Variants in TBC1D2 observed in about 807,000 individuals in gnomAD.
TBC1D2 encodes the protein TBC1 domain family member 2.
A neutral mutation model predicts 91.1 loss-of-function variants in TBC1D2; 58 were observed. That is an observed-to-expected ratio of 0.64 (90% CI 0.52 to 0.79). The LOEUF is 0.79. TBC1D2 is among the 30% of genes least tolerant of loss of function. The probability of loss-of-function intolerance (pLI) is 0.00; values close to 1 mark genes in which losing one functional copy is unlikely to be tolerated. For missense variants in TBC1D2, 1,080 were observed against 1,208.3 expected, an observed-to-expected ratio of 0.89 and a Z score of 1.57; for synonymous variants, 482 against 511.5, an observed-to-expected ratio of 0.94 and a Z score of 0.78.
intron 5 of TBC1D2, among the ~76,000 whole-genome samples, chr9:98,227,138 G>A (rs1191221684): frequency 6.6e-5 from 10 of 152,298 alleles, no homozygotes; most frequent in African/African-American, 1.7e-4. Context: ...TCTCAGGAGC[G>A]TCCAGCAGCC....
chr9:98,225,634 A>G (rs1829214613), intron 5 of TBC1D2, among the ~76,000 whole-genome samples: 1 of 152,230 alleles, frequency 6.6e-6, no homozygotes, highest in African/African-American at 2.4e-5. Flanking sequence ...CTGAGCATGC[A>G]GACACTCTGA....
At position 98,239,449 on chromosome 9, in the gene TBC1D2, CT is replaced by C. The variant is rs567873660; in HGVS notation, c.647+4544del. Among the ~76,000 whole-genome samples, 19 of 152,298 alleles carry C rather than the reference CT, an allele frequency of 1.2e-4. No homozygotes were observed. In the South Asian group the frequency reaches 3.7e-3, roughly 30 times the overall value. ...CTGAAATGATGTGGTTTTTCACCTTCTTCTTATTAATGTAGTGTATTACATA... is the reference window on the plus strand; with the variant it reads ...CTGAAATGATGTGGTTTTTCACCTTCTCTTATTAATGTAGTGTATTACATA... On this transcript the variant is annotated intron_variant, in intron 3 of 12. Transcript: ENST00000465784.
chr9:98,237,438 G>A (rs1829533132), intron 3 of TBC1D2, among the ~76,000 whole-genome samples: 2 of 151,550 alleles, frequency 1.3e-5, no homozygotes, highest in South Asian at 4.1e-4. Context: ...CCTTGCAACA[G>A]CACCACTGTC....
chr9:98,203,870 C>A (rs1023639006), intron 9 of TBC1D2, among the ~76,000 whole-genome samples: 1 of 152,172 alleles, frequency 6.6e-6, no homozygotes, highest in Non-Finnish European at 1.5e-5. Flanking sequence ...GGCAAGTACA[C>A]TAACCTCTCT....
At chr9:98,235,385 C>A in intron 3 of TBC1D2, 1 of 467,732 alleles carries the variant, frequency 2.1e-6, no homozygotes. Flanking sequence ...AATTCCAGTG[C>A]TAGTACTTGG....
intron 8 of TBC1D2, 135 bp from the exon 9 acceptor site, chr9:98,209,279 T>C (rs1442336538): frequency 7.6e-6 from 6 of 786,220 alleles, no homozygotes; most frequent in Non-Finnish European, 1.3e-5. Flanking sequence ...TCTGGGCAGG[T>C]CACTTCAGTT....
rs953098200 is a variant in TBC1D2, at chr9:98,225,227, C to T, written c.978+3725G>A. On this transcript the variant is annotated intron_variant, in intron 5 of 12. Transcript: ENST00000465784. ...ACAGCCTTCCATCTGCCAGAGCAGA[C>T]GGCCTTCAGGCTGGGTGGAGTTCTG... Among the ~76,000 whole-genome samples, 17 of 152,206 alleles carry T rather than the reference C, an allele frequency of 1.1e-4. 1 individual carries two copies. Among genetic ancestry groups the T allele is most frequent in the Admixed American group, 7.9e-4 (12 of 15,276 alleles).
intron 2 of TBC1D2, among the ~76,000 whole-genome samples, chr9:98,250,848 G>A (rs1176673973): frequency 6.6e-6 from 1 of 152,182 alleles, no homozygotes; most frequent in East Asian, 1.9e-4. Flanking sequence ...TGCCAATCAT[G>A]TTCCTGGCTG....
At chr9:98,248,778 G>A (rs940975613) in intron 2 of TBC1D2, among the ~76,000 whole-genome samples, 3 of 152,168 alleles carry the variant, frequency 2.0e-5, no homozygotes, top group Admixed American at 6.5e-5. Context: ...CATTTATACA[G>A]GTCCTTTGTA....
chr9:98,248,776 C>T (rs1242658462), intron 2 of TBC1D2, among the ~76,000 whole-genome samples: 1 of 152,208 alleles, frequency 6.6e-6, no homozygotes, highest in Non-Finnish European at 1.5e-5. Flanking sequence ...CACATTTATA[C>T]AGGTCCTTTG....
In TBC1D2 at chr9:98,233,513, G is replaced by C; in HGVS notation, c.684C>G (p.Ala228=). 1 of 1,614,116 alleles carries C rather than the reference G, an allele frequency of 6.2e-7. No individual in the cohort carries two copies. Among genetic ancestry groups the C allele is most frequent in the South Asian group, 1.1e-5 (1 of 91,074 alleles). The part of the protein sequence containing the change: ...TMHNIRGNKQ[A]QGTGHEPPGE... ...CTGGAGGTTCATGGCCTGTTCCCTG[G>C]GCCTGCTTGTTGCCACGGATGTTGT... The change falls in exon 4 of 13, where the codon GCC becomes GCG. Residue 228 remains alanine, a synonymous_variant. Coordinates refer to ENST00000465784, the MANE Select transcript of TBC1D2 (RefSeq NM_001267571.2).
At chr9:98,200,414 C>A in intron 11 of TBC1D2, 40 bp from the exon 12 acceptor site, 1 of 1,561,190 alleles carries the variant, frequency 6.4e-7, no homozygotes, top group Non-Finnish European at 8.7e-7. Flanking sequence ...CATGGGGGGG[C>A]CAGGCAGGTC....
At chr9:98,204,077 GAAAC>G (rs1828584784) in intron 9 of TBC1D2, among the ~76,000 whole-genome samples, 1 of 152,094 alleles carries the variant, frequency 6.6e-6, no homozygotes, top group African/African-American at 2.4e-5. Context: ...TCATGGGTAA[GAAAC>G]AAACAAAAAC....
chr9:98,210,549 T>G, intron 8 of TBC1D2, 107 bp downstream of exon 8: 1 of 1,058,054 alleles, frequency 9.5e-7, no homozygotes, highest in Non-Finnish European at 1.3e-6. Flanking sequence ...TCAGAGGAGG[T>G]AGTGCTGTGT....
chr9:98,233,286 G>C (rs888441466), intron 4 of TBC1D2, 130 bp downstream of exon 4: 6 of 1,280,334 alleles, frequency 4.7e-6, no homozygotes, highest in Non-Finnish European at 5.2e-6. Flanking sequence ...TGGTGTTTCA[G>C]TAAGTAGCCC....
At chr9:98,210,014 C>T (rs1363689606) in intron 8 of TBC1D2, among the ~76,000 whole-genome samples, 5 of 146,072 alleles carry the variant, frequency 3.4e-5, no homozygotes, top group African/African-American at 1.3e-4. Flanking sequence ...TTTGTAGAGA[C>T]AGGATTCCAA....
intron 2 of TBC1D2, 75 bp from the exon 3 acceptor site, chr9:98,244,204 G>C: frequency 6.4e-7 from 1 of 1,570,866 alleles, no homozygotes; most frequent in Non-Finnish European, 8.7e-7. Context: ...GGATGCTATG[G>C]GTGCAGCCCT....
At chr9:98,227,781 C>CA (rs142610908) in intron 5 of TBC1D2, among the ~76,000 whole-genome samples, 1,346 of 105,940 alleles carry the variant, frequency 0.013, 11 homozygotes, top group Non-Finnish European at 0.019. Context: ...GACTCTGTCT[C>CA]AAAAAAAAAA....
At chr9:98,243,072 G>A (rs1463666072) in intron 3 of TBC1D2, among the ~76,000 whole-genome samples, 2 of 151,498 alleles carry the variant, frequency 1.3e-5, no homozygotes, top group Non-Finnish European at 2.9e-5. Context: ...GAACCACGAC[G>A]CCTGGTCCAT....
Sources: allele counts gnomAD v4.1 joint callset (sites outside exome capture counted in the v4.1 genomes callset), GRCh38; gene constraint gnomAD v4.1.1; transcripts MANE v1.5; gene names NCBI Gene and HGNC (gene_info 2026-07-23, HGNC 2026-07-21).